Variants in CCDC25 observed in about 807,000 individuals in gnomAD.
The protein encoded by CCDC25 is coiled-coil domain-containing protein 25.
A neutral mutation model predicts 35.3 loss-of-function variants in CCDC25; 16 were observed. The observed-to-expected ratio is 0.45, with a 90% CI of 0.31 to 0.69. CCDC25 has a LOEUF of 0.69. Among genes scored for constraint, CCDC25 ranks in the 30% least tolerant of loss-of-function variants. The pLI, the probability that CCDC25 is intolerant of heterozygous loss-of-function variation, is 0.06. For synonymous variants in CCDC25, 79 were observed against 80.3 expected, an observed-to-expected ratio of 0.98 and a Z score of 0.09; for missense variants, 179 against 250.7, an observed-to-expected ratio of 0.71 and a Z score of 1.93.
Position 27,734,589 on chromosome 8 carries a change from C to CAGAGGAGCTTGG in CCDC25, c.*1626_*1627insCCAAGCTCCTCT, listed in dbSNP as rs6150519. 4 of 151,858 alleles carry CAGAGGAGCTTGG rather than the reference C, an allele frequency of 2.6e-5. No individual in the cohort carries two copies. Among genetic ancestry groups the CAGAGGAGCTTGG allele is most frequent in the Admixed American group, 6.6e-5 (1 of 15,256 alleles). 9.4% of individuals were successfully genotyped at this position (151,858 alleles called of 1,614,324 possible). ...AGGGTTAGGGGCATAGGAATCAACA[C>CAGAGGAGCTTGG]AGAGCTATGAATTCAACAAGAGAAT... On this transcript the variant is annotated 3_prime_UTR_variant, in exon 9 of 9. Transcript: ENST00000356537.
At chr8:27,763,870 T>C (rs1375998580) in intron 2 of CCDC25, among the ~76,000 whole-genome samples, 1 of 152,196 alleles carries the variant, frequency 6.6e-6, no homozygotes, top group African/African-American at 2.4e-5. Flanking sequence ...AAGGCACTCA[T>C]AACAGTCGTA....
In CCDC25 at chr8:27,772,451, G is replaced by A. The variant is rs1804662171; in HGVS notation, c.28+62C>T. ...CGAGGGTCAGGCGCAGCGGCGGACT[G>A]CGGGTCCCGGCTTCGGAGCCCGCTG... On this transcript the variant is annotated intron_variant, in intron 1 of 8. Transcript: ENST00000356537. The A allele has an allele frequency of 3.3e-6, 5 of 1,512,108 alleles. No individual in the cohort carries two copies. In the East Asian group the frequency reaches 7.4e-5, roughly 22 times the overall value. 93.7% of individuals were successfully genotyped at this position (1,512,108 alleles called of 1,614,324 possible).
intron 8 of CCDC25, among the ~76,000 whole-genome samples, chr8:27,739,627 T>A (rs1216779741): frequency 6.6e-6 from 1 of 152,224 alleles, no homozygotes; most frequent in African/African-American, 2.4e-5. Context: ...TATGGAAGGA[T>A]GTGCATATGT....
intron 3 of CCDC25, among the ~76,000 whole-genome samples, 166 bp from the exon 4 acceptor site, chr8:27,756,936 C>T (rs1201708662): frequency 6.6e-6 from 1 of 152,170 alleles, no homozygotes; most frequent in Admixed American, 6.5e-5. Context: ...AAGGGCTCCC[C>T]ATCACCATGA....
At chr8:27,772,128 TA>T (rs1804642908) in intron 1 of CCDC25, 1 of 252,408 alleles carries the variant, frequency 4.0e-6, no homozygotes, top group Admixed American at 5.5e-5. Flanking sequence ...TCACAGGGGA[TA>T]ATTACAAGGG....
chr8:27,739,292 T>C (rs1039370184), intron 8 of CCDC25, among the ~76,000 whole-genome samples: 1 of 152,230 alleles, frequency 6.6e-6, no homozygotes, highest in Non-Finnish European at 1.5e-5. Flanking sequence ...TAGTTCTTCA[T>C]AGAGATGGGA....
At chr8:27,745,296 G>A (rs981453369) in intron 7 of CCDC25, among the ~76,000 whole-genome samples, 22 of 152,016 alleles carry the variant, frequency 1.4e-4, no homozygotes, top group Non-Finnish European at 2.5e-4. Flanking sequence ...TTGCCTGGCC[G>A]CATCTCAACT....
At chr8:27,750,539 G>A (rs1238857547) in intron 5 of CCDC25, among the ~76,000 whole-genome samples, 1 of 152,164 alleles carries the variant, frequency 6.6e-6, no homozygotes, top group Non-Finnish European at 1.5e-5. Flanking sequence ...TCTGATGACT[G>A]ACAAAGACAA....
Position 27,772,506 on chromosome 8 carries a change from C to T in CCDC25, c.28+7G>A. ...GCAGGGTCCAGGAGGACGTGGCGCC[C>T]ACTCACCGCTGCTGCTGGTGAAGTA... On this transcript the variant is annotated splice_region_variant and intron_variant, in intron 1 of 8. Transcript: ENST00000356537. 1.3e-6 allele frequency: 2 copies of T among 1,549,982 alleles called. No homozygotes were observed. The highest frequency in any genetic ancestry group is 8.7e-7 in the Non-Finnish European group (1 of 1,146,610).
chr8:27,740,369 G>T (rs974173037), intron 8 of CCDC25, 103 bp downstream of exon 8: 1 of 1,141,338 alleles, frequency 8.8e-7, no homozygotes, highest in Non-Finnish European at 1.3e-6. Flanking sequence ...ATCATGGTTA[G>T]CTATTTGCAA....
chr8:27,761,172 A>G (rs928529482), intron 3 of CCDC25, among the ~76,000 whole-genome samples: 5 of 152,210 alleles, frequency 3.3e-5, no homozygotes, highest in Admixed American at 6.5e-5. Flanking sequence ...AAAAAGCAGT[A>G]GCCCAACTCT....
intron 5 of CCDC25, 31 bp from the exon 6 acceptor site, chr8:27,748,629 G>T: frequency 6.6e-7 from 1 of 1,504,844 alleles, no homozygotes. Context: ...CAACATGCAG[G>T]CAGGATGAGA....
At chr8:27,761,891 A>C (rs1387481581) in intron 3 of CCDC25, among the ~76,000 whole-genome samples, 2 of 152,180 alleles carry the variant, frequency 1.3e-5, no homozygotes. Context: ...GGAGACTAAG[A>C]AAGTATATGT....
intron 4 of CCDC25, among the ~76,000 whole-genome samples, chr8:27,755,330 C>G (rs1337222953): frequency 6.6e-6 from 1 of 152,206 alleles, no homozygotes; most frequent in Non-Finnish European, 1.5e-5. Context: ...GCTGAAAGAG[C>G]TCCAGCTGAA....
At chr8:27,758,434 T>C (rs1343700144) in intron 3 of CCDC25, among the ~76,000 whole-genome samples, 2 of 152,206 alleles carry the variant, frequency 1.3e-5, no homozygotes, top group African/African-American at 4.8e-5. Context: ...CTCTTAATCA[T>C]TAGTGATAGC....
chr8:27,741,566 T>C (rs1056486396), intron 7 of CCDC25, among the ~76,000 whole-genome samples: 7 of 152,254 alleles, frequency 4.6e-5, no homozygotes, highest in African/African-American at 1.7e-4. Flanking sequence ...TAATCCCAGC[T>C]ACTCAGGAGG....
chr8:27,759,633 A>C (rs2128944242), intron 3 of CCDC25, among the ~76,000 whole-genome samples: 1 of 141,368 alleles, frequency 7.1e-6, no homozygotes, highest in Non-Finnish European at 1.5e-5. Flanking sequence ...AAAAAAAATT[A>C]GCCTGGTGTG....
At position 27,736,121 on chromosome 8, in the gene CCDC25, T is replaced by C. The variant is rs1458743841; in HGVS notation, c.*95A>G. On this transcript the variant is annotated 3_prime_UTR_variant, in exon 9 of 9. Transcript: ENST00000356537. ...GGGTAGGATGAAGGTAGAATTTTGG[T>C]TGTATTTTATATTTCAGAACACAGA... is the stretch of plus-strand genomic sequence containing the variant. The C allele has an allele frequency of 8.5e-7, 1 of 1,183,206 alleles. No individual in the cohort carries two copies. The highest frequency in any genetic ancestry group is 2.5e-5 in the East Asian group (1 of 40,334). The allele number at this position is 1,183,206 out of a possible 1,614,324, so 73.3% of individuals were successfully genotyped here. A position where few individuals can be genotyped will look rare whatever the true frequency, so the allele number is the denominator to read the frequency against.
intron 5 of CCDC25, among the ~76,000 whole-genome samples, chr8:27,751,062 G>A (rs1803784806): frequency 6.6e-6 from 1 of 152,206 alleles, no homozygotes; most frequent in Non-Finnish European, 1.5e-5. Context: ...GAAGGCTGAA[G>A]AGGAGAGAAA....
Sources: allele counts gnomAD v4.1 joint callset (sites outside exome capture counted in the v4.1 genomes callset), GRCh38; gene constraint gnomAD v4.1.1; transcripts MANE v1.5; gene names NCBI Gene and HGNC (gene_info 2026-07-23, HGNC 2026-07-21).